KCTD8: variants seen among roughly 807,000 people sequenced by gnomAD.
KCTD8 encodes potassium channel tetramerization domain containing 8.
In KCTD8, 27 loss-of-function variants were observed where a neutral mutation model predicts 31.5. That is an observed-to-expected ratio of 0.86 (90% CI 0.63 to 1.18). The LOEUF (loss-of-function observed/expected upper bound fraction) is 1.18, where lower values mean the gene tolerates loss of function less well. Among genes scored for constraint, KCTD8 ranks in the 50% most tolerant of loss-of-function variants. The pLI, the probability that KCTD8 is intolerant of heterozygous loss-of-function variation, is 0.00. For synonymous variants in KCTD8, 290 were observed against 280.0 expected (o/e 1.04, Z -0.36); for missense variants, 658 against 647.7 (o/e 1.02, Z -0.17).
At chr4:44,207,808 C>T (rs1365505960) in intron 1 of KCTD8, among the ~76,000 whole-genome samples, 1 of 152,174 alleles carries the variant, frequency 6.6e-6, no homozygotes, top group African/African-American at 2.4e-5. Context: ...GAAAAACATA[C>T]TGTTTTCTCT....
chr4:44,198,814 C>A (rs148307926), intron 1 of KCTD8, among the ~76,000 whole-genome samples: 4 of 152,046 alleles, frequency 2.6e-5, no homozygotes, highest in Admixed American at 2.6e-4. Flanking sequence ...TCAATACTAA[C>A]CCTGAATACC....
chr4:44,211,174 T>C (rs1277484774), intron 1 of KCTD8, among the ~76,000 whole-genome samples: 2 of 152,216 alleles, frequency 1.3e-5, no homozygotes, highest in African/African-American at 2.4e-5. Context: ...ATATGTAACA[T>C]GTTATATAAT....
At chr4:44,331,912 C>A (rs1369848556) in intron 1 of KCTD8, among the ~76,000 whole-genome samples, 2 of 150,420 alleles carry the variant, frequency 1.3e-5, no homozygotes, top group African/African-American at 4.9e-5. Context: ...GGCATGAAAC[C>A]CTACAATAAT....
chr4:44,437,852 C>T (rs191876611), intron 1 of KCTD8, among the ~76,000 whole-genome samples: 1 of 151,846 alleles, frequency 6.6e-6, no homozygotes, highest in Non-Finnish European at 1.5e-5. Context: ...AGAATATAGC[C>T]CAAAGACTTT....
chr4:44,402,802 C>T (rs1468429432), intron 1 of KCTD8, among the ~76,000 whole-genome samples: 1 of 152,140 alleles, frequency 6.6e-6, no homozygotes, highest in East Asian at 1.9e-4. Flanking sequence ...ATTAGGAATA[C>T]CTTTATGGAA....
At chr4:44,273,372 A>G (rs1716665365) in intron 1 of KCTD8, among the ~76,000 whole-genome samples, 1 of 151,988 alleles carries the variant, frequency 6.6e-6, no homozygotes, top group African/African-American at 2.4e-5. Flanking sequence ...TACATTAACA[A>G]AGCTGTACAT....
At chr4:44,234,392 G>A (rs1715213133) in intron 1 of KCTD8, among the ~76,000 whole-genome samples, 1 of 152,144 alleles carries the variant, frequency 6.6e-6, no homozygotes, top group Non-Finnish European at 1.5e-5. Context: ...TAAAAGCTGA[G>A]CTCCCTGTGT....
At chr4:44,338,289 T>C (rs563411580) in intron 1 of KCTD8, among the ~76,000 whole-genome samples, 6 of 152,316 alleles carry the variant, frequency 3.9e-5, no homozygotes, top group Non-Finnish European at 7.4e-5. Flanking sequence ...GCATTAAAAA[T>C]AGTCTGACTT....
chr4:44,182,158 G>A (rs563744297), intron 1 of KCTD8, among the ~76,000 whole-genome samples: 4 of 151,030 alleles, frequency 2.6e-5, no homozygotes, highest in African/African-American at 4.9e-5. Flanking sequence ...CGCCCCGTCC[G>A]AGAGGGAGGT....
chr4:44,305,770 T>A (rs1033970767), intron 1 of KCTD8, among the ~76,000 whole-genome samples: 10 of 151,854 alleles, frequency 6.6e-5, no homozygotes, highest in Non-Finnish European at 1.5e-4. Context: ...ATATGAGTAT[T>A]TGTAAGTATA....
At chr4:44,265,785 G>C (rs938491685) in intron 1 of KCTD8, among the ~76,000 whole-genome samples, 10 of 152,282 alleles carry the variant, frequency 6.6e-5, no homozygotes, top group Admixed American at 5.2e-4. Context: ...CTGGAAGAAA[G>C]GGTATCAGCC....
At chr4:44,279,015 G>C (rs1716825921) in intron 1 of KCTD8, among the ~76,000 whole-genome samples, 1 of 152,030 alleles carries the variant, frequency 6.6e-6, no homozygotes, top group Non-Finnish European at 1.5e-5. Flanking sequence ...ACAAGCTTTG[G>C]AATCAAATAA....
intron 1 of KCTD8, among the ~76,000 whole-genome samples, chr4:44,409,301 C>G (rs1334099906): frequency 6.6e-6 from 1 of 151,422 alleles, no homozygotes; most frequent in East Asian, 2.0e-4. Context: ...TTTTATATAT[C>G]CAGGGAATGA....
At chr4:44,240,733 C>T (rs1715435044) in intron 1 of KCTD8, among the ~76,000 whole-genome samples, 1 of 152,150 alleles carries the variant, frequency 6.6e-6, no homozygotes, top group African/African-American at 2.4e-5. Flanking sequence ...GGGCCAGACC[C>T]ATCCTTAAAA....
At position 44,190,075 on chromosome 4, in the gene KCTD8, C is replaced by A. The variant is rs368980299; in HGVS notation, c.962-14825G>T. 3.3e-5 allele frequency among the ~76,000 whole-genome samples: 5 copies of A among 152,294 alleles called. No homozygotes were observed. In the East Asian group the frequency reaches 5.8e-4, roughly 18 times the overall value. ...ACTCTTACTGAATCAACTGTAATAACCTTCTAGAAATCCTTTCATCTCTAA... is the reference window on the plus strand; with the variant it reads ...ACTCTTACTGAATCAACTGTAATAAACTTCTAGAAATCCTTTCATCTCTAA... On this transcript the variant is annotated intron_variant, in intron 1 of 1. Transcript: ENST00000360029.
At chr4:44,283,368 A>G (rs941082900) in intron 1 of KCTD8, among the ~76,000 whole-genome samples, 2 of 152,162 alleles carry the variant, frequency 1.3e-5, no homozygotes, top group South Asian at 4.1e-4. Context: ...CAATGTGAAT[A>G]AAACGGTGGA....
chr4:44,345,749 A>G (rs549008028), intron 1 of KCTD8, among the ~76,000 whole-genome samples: 2 of 152,246 alleles, frequency 1.3e-5, no homozygotes, highest in African/African-American at 4.8e-5. Flanking sequence ...TTTGTTTGGA[A>G]TCAAATTGTT....
intron 1 of KCTD8, among the ~76,000 whole-genome samples, chr4:44,440,145 C>G (rs1721782579): frequency 1.3e-5 from 2 of 151,892 alleles, no homozygotes; most frequent in Non-Finnish European, 2.9e-5. Context: ...GTTGGCCAGG[C>G]TGGTCTTGAA....
chr4:44,402,326 A>G (rs953662595), intron 1 of KCTD8, among the ~76,000 whole-genome samples: 10 of 152,220 alleles, frequency 6.6e-5, no homozygotes, highest in Admixed American at 6.5e-4. Context: ...ACAATAATCT[A>G]TTAATGCAAA....
Sources: gnomAD v4.1 joint callset for allele counts (sites outside exome capture counted in the v4.1 genomes callset) on GRCh38, gnomAD v4.1.1 for gene constraint, MANE v1.5 for transcripts, NCBI Gene and HGNC (gene_info 2026-07-23, HGNC 2026-07-21) for gene names.